Variants in ODAD2 observed in about 807,000 individuals in gnomAD.
ODAD2 encodes the protein outer dynein arm docking complex subunit 2.
ODAD2 carries 89 observed loss-of-function variants against 106.8 expected under a neutral mutation model. The observed-to-expected ratio is 0.83, with a 90% CI of 0.70 to 0.99. The LOEUF (loss-of-function observed/expected upper bound fraction) is 0.99, where lower values mean the gene tolerates loss of function less well. ODAD2 is among the 50% of genes least tolerant of loss of function. The pLI, the probability that ODAD2 is intolerant of heterozygous loss-of-function variation, is 0.00. For synonymous variants in ODAD2, 404 were observed against 436.2 expected (o/e 0.93, Z 0.92); for missense variants, 1,168 against 1,238.5 (o/e 0.94, Z 0.85).
intron 16 of ODAD2, among the ~76,000 whole-genome samples, chr10:27,912,854 TG>T (rs1287516483): frequency 3.3e-5 from 5 of 152,270 alleles, no homozygotes; most frequent in African/African-American, 7.2e-5. Flanking sequence ...TGATCATCCC[TG>T]GGAAAAACAG....
intron 18 of ODAD2, among the ~76,000 whole-genome samples, chr10:27,861,979 G>A (rs187198369): frequency 6.6e-6 from 1 of 152,252 alleles, no homozygotes; most frequent in East Asian, 1.9e-4. Flanking sequence ...TGCTTATTCT[G>A]TCTGGCACAG....
At chr10:27,886,649 T>C (rs753207222) in intron 17 of ODAD2, among the ~76,000 whole-genome samples, 4 of 152,090 alleles carry the variant, frequency 2.6e-5, no homozygotes, top group African/African-American at 9.6e-5. Flanking sequence ...CTCCACTTTT[T>C]ATTTTCTACA....
At chr10:27,943,625 A>G (rs1382565852) in intron 12 of ODAD2, among the ~76,000 whole-genome samples, 1 of 151,836 alleles carries the variant, frequency 6.6e-6, no homozygotes, top group Non-Finnish European at 1.5e-5. Context: ...TGTCTCTACT[A>G]AAAATATAAA....
intron 16 of ODAD2, among the ~76,000 whole-genome samples, chr10:27,928,717 C>T (rs1291874787): frequency 6.6e-6 from 1 of 151,668 alleles, no homozygotes; most frequent in East Asian, 1.9e-4. Flanking sequence ...AATATACATA[C>T]TATGCAATCT....
intron 17 of ODAD2, among the ~76,000 whole-genome samples, 158 bp downstream of exon 17, chr10:27,907,505 C>T (rs935451067): frequency 2.0e-5 from 3 of 151,752 alleles, no homozygotes; most frequent in Non-Finnish European, 4.4e-5. Flanking sequence ...AGAAAAAAAG[C>T]AATGCTCCGA....
chr10:27,942,176 G>T (rs756233009), intron 12 of ODAD2, among the ~76,000 whole-genome samples: 1 of 152,180 alleles, frequency 6.6e-6, no homozygotes, highest in Non-Finnish European at 1.5e-5. Flanking sequence ...TGGTTAGCAG[G>T]TGCTCCTCAC....
intron 16 of ODAD2, among the ~76,000 whole-genome samples, chr10:27,914,488 AT>A (rs1440655955): frequency 1.8e-4 from 27 of 152,048 alleles, no homozygotes; most frequent in African/African-American, 6.0e-4. Flanking sequence ...AATTCTGTTC[AT>A]TTTCTCAATT....
intron 10 of ODAD2, among the ~76,000 whole-genome samples, chr10:27,950,768 A>C (rs1027985587): frequency 1.3e-5 from 2 of 152,086 alleles, no homozygotes; most frequent in Non-Finnish European, 2.9e-5. Context: ...CATTCTTTTT[A>C]ATTTGCCATG....
At chr10:27,893,064 C>T (rs1842660849) in intron 17 of ODAD2, among the ~76,000 whole-genome samples, 1 of 151,926 alleles carries the variant, frequency 6.6e-6, no homozygotes, top group Non-Finnish European at 1.5e-5. Context: ...GAGGCTGAGG[C>T]AGGAGAATCG....
intron 6 of ODAD2, among the ~76,000 whole-genome samples, chr10:27,982,650 T>C (rs1333032836): frequency 6.6e-6 from 1 of 152,184 alleles, no homozygotes; most frequent in East Asian, 1.9e-4. Flanking sequence ...AGCATTTTGG[T>C]ACCAACCCAA....
At chr10:27,864,008 G>T (rs967415229) in intron 17 of ODAD2, among the ~76,000 whole-genome samples, 3 of 152,014 alleles carry the variant, frequency 2.0e-5, no homozygotes, top group Non-Finnish European at 4.4e-5. Context: ...AAGTGTGGGG[G>T]AAGGATTTTT....
rs146568420 is a variant in ODAD2 at position 27,971,290 on chromosome 10, C to T, written c.960G>A (p.Gln320=). 89 of 1,608,368 alleles carry T rather than the reference C, an allele frequency of 5.5e-5. No individual in the cohort carries two copies. The African/African-American group carries it at 1.2e-3, about 21-fold the overall frequency. ...TGCCAAGCTGATCCTTTTCCTTTTGCTGGTCTTCACTGAAGCTAATTCCCT... is the reference window on the plus strand; with the variant it reads ...TGCCAAGCTGATCCTTTTCCTTTTGTTGGTCTTCACTGAAGCTAATTCCCT... The part of the protein sequence containing the change: ...SKLGISFSED[Q]QKEKDQLGKA... Residue 320 remains glutamine (Q), a synonymous_variant, in exon 8 of 20, where the codon CAG becomes CAA. Transcript: ENST00000305242.
At chr10:27,981,986 T>G (rs995758718) in intron 6 of ODAD2, 1 of 153,244 alleles carries the variant, frequency 6.5e-6, no homozygotes, top group African/African-American at 2.4e-5. Context: ...TGGAAAAGCC[T>G]ACATTTCTGT....
chr10:27,834,710 T>C (rs1424646884), intron 19 of ODAD2, among the ~76,000 whole-genome samples: 1 of 152,224 alleles, frequency 6.6e-6, no homozygotes, highest in East Asian at 1.9e-4. Flanking sequence ...TTTATGGGTA[T>C]CTGCTTGCAG....
chr10:27,882,715 G>A (rs552333669), intron 17 of ODAD2, among the ~76,000 whole-genome samples: 7 of 152,148 alleles, frequency 4.6e-5, no homozygotes, highest in Non-Finnish European at 7.4e-5. Flanking sequence ...TTGCAACCGC[G>A]GAATCTGGGG....
intron 12 of ODAD2, among the ~76,000 whole-genome samples, chr10:27,941,500 G>GAA (rs11371318): frequency 0.4 from 52,889 of 131,830 alleles, 10,930 homozygotes; most frequent in Middle Eastern, 0.61. Flanking sequence ...CCAAAAAAAA[G>GAA]AAAAAAAAAA....
intron 3 of ODAD2, among the ~76,000 whole-genome samples, chr10:27,986,698 C>A (rs1484226968): frequency 1.3e-5 from 2 of 152,230 alleles, no homozygotes; most frequent in African/African-American, 4.8e-5. Flanking sequence ...TACATTATCA[C>A]CTATGATTAG....
chr10:27,919,791 T>G (rs76940048), intron 16 of ODAD2, among the ~76,000 whole-genome samples: 3,326 of 152,238 alleles, frequency 0.022, 99 homozygotes, highest in African/African-American at 0.067. Context: ...AATACTAATC[T>G]ATAGTAATGG....
intron 9 of ODAD2, among the ~76,000 whole-genome samples, chr10:27,964,552 G>A (rs1848368156): frequency 6.6e-6 from 1 of 152,168 alleles, no homozygotes; most frequent in African/African-American, 2.4e-5. Context: ...CTGTCTTTCG[G>A]TATCTTTGTT....
Sources: allele counts gnomAD v4.1 joint callset (sites outside exome capture counted in the v4.1 genomes callset), GRCh38; gene constraint gnomAD v4.1.1; transcripts MANE v1.5; gene names NCBI Gene and HGNC (gene_info 2026-07-23, HGNC 2026-07-21).